PRKCA: variants seen among roughly 807,000 people sequenced by gnomAD.
The protein encoded by PRKCA is protein kinase C alpha, also known as protein kinase C alpha type.
In PRKCA, 27 loss-of-function variants were observed where a neutral mutation model predicts 87.0. That is an observed-to-expected ratio of 0.31 (90% CI 0.23 to 0.43). The LOEUF is 0.43. Among genes scored for constraint, PRKCA ranks in the 20% least tolerant of loss-of-function variants. The probability of loss-of-function intolerance (pLI) is 1.00; values close to 1 mark genes in which losing one functional copy is unlikely to be tolerated. For synonymous variants in PRKCA, 329 were observed against 311.1 expected (o/e 1.06, Z -0.61); for missense variants, 518 against 852.3 (o/e 0.61, Z 4.88).
At chr17:66,402,727 A>C (rs1911110450) in intron 2 of PRKCA, among the ~76,000 whole-genome samples, 1 of 152,164 alleles carries the variant, frequency 6.6e-6, no homozygotes, top group African/African-American at 2.4e-5. Flanking sequence ...CAGAGCACTG[A>C]GATGTTTGCT....
chr17:66,363,358 A>G (rs1468419323), intron 2 of PRKCA, among the ~76,000 whole-genome samples: 2 of 152,234 alleles, frequency 1.3e-5, no homozygotes, highest in East Asian at 3.8e-4. Flanking sequence ...CTTAGAGGAA[A>G]CAGTTACTGA....
At chr17:66,424,396 A>C (rs1912665612) in intron 2 of PRKCA, among the ~76,000 whole-genome samples, 1 of 151,970 alleles carries the variant, frequency 6.6e-6, no homozygotes, top group Non-Finnish European at 1.5e-5. Flanking sequence ...CAACATGTTG[A>C]AACTCTACTA....
At chr17:66,349,641 C>T (rs1484205274) in intron 2 of PRKCA, among the ~76,000 whole-genome samples, 5 of 152,092 alleles carry the variant, frequency 3.3e-5, no homozygotes, top group Non-Finnish European at 7.4e-5. Context: ...AGAGGGTTTT[C>T]CCGGGCCTTT....
Position 66,591,222 on chromosome 17 carries a change from G to A in PRKCA, c.289-50133G>A, listed in dbSNP as rs180800031. Among the ~76,000 whole-genome samples the A allele has an allele frequency of 4.2e-3, 646 of 152,102 alleles. 5 individuals carry two copies. The highest frequency in any genetic ancestry group is 0.01 in the Middle Eastern group (3 of 294). On this transcript the variant is annotated intron_variant, in intron 3 of 16. Coordinates refer to ENST00000413366, the MANE Select transcript of PRKCA (RefSeq NM_002737.3). ...GGCTGGAATGTAGCGGCATGATCAG[G>A]GCTCGCTGTAGCCTTGACTTCCCAG...
chr17:66,315,556 T>G (rs1905274151), intron 2 of PRKCA, among the ~76,000 whole-genome samples: 1 of 151,586 alleles, frequency 6.6e-6, no homozygotes, highest in Admixed American at 6.6e-5. Context: ...CTCAACTCAC[T>G]GCAACCTCCG....
chr17:66,308,787 T>C (rs562674368), intron 2 of PRKCA, among the ~76,000 whole-genome samples: 1 of 152,352 alleles, frequency 6.6e-6, no homozygotes, highest in South Asian at 2.1e-4. Flanking sequence ...CAAATATAGT[T>C]ACCCAGCATT....
At chr17:66,613,693 G>A (rs1276997604) in intron 3 of PRKCA, among the ~76,000 whole-genome samples, 3 of 147,080 alleles carry the variant, frequency 2.0e-5, no homozygotes, top group Admixed American at 6.8e-5. Context: ...TCCTCTCTGT[G>A]TATCTTTGTG....
At chr17:66,723,216 C>CAGTT (rs1313967197) in intron 8 of PRKCA, among the ~76,000 whole-genome samples, 1 of 152,242 alleles carries the variant, frequency 6.6e-6, no homozygotes, top group African/African-American at 2.4e-5. Flanking sequence ...AGGCAGCATG[C>CAGTT]AGTTGCTCAT....
chr17:66,706,658 T>C (rs1388369687), intron 8 of PRKCA, among the ~76,000 whole-genome samples: 1 of 149,522 alleles, frequency 6.7e-6, no homozygotes, highest in Non-Finnish European at 1.5e-5. Flanking sequence ...AAAAGAGTGG[T>C]TTCAGGATTT....
At chr17:66,677,073 A>ATTTT (rs960688544) in intron 5 of PRKCA, 1 of 43,542 alleles carries the variant, frequency 2.3e-5, no homozygotes, top group East Asian at 5.9e-4. Flanking sequence ...CCCACAGCTT[A>ATTTT]TTTTTATTTA....
intron 3 of PRKCA, among the ~76,000 whole-genome samples, chr17:66,509,180 G>A (rs935924278): frequency 4.3e-5 from 4 of 93,978 alleles, no homozygotes; most frequent in East Asian, 4.6e-4. Context: ...GTGTGTGTAT[G>A]TGTGTGTGTG....
At chr17:66,765,151 C>T (rs984872448) in intron 13 of PRKCA, among the ~76,000 whole-genome samples, 11 of 151,986 alleles carry the variant, frequency 7.2e-5, no homozygotes, top group African/African-American at 2.4e-4. Context: ...TGGTGGCTCA[C>T]GCCTGTAATC....
intron 13 of PRKCA, among the ~76,000 whole-genome samples, chr17:66,745,837 G>A (rs1026985773): frequency 9.2e-5 from 14 of 152,242 alleles, no homozygotes; most frequent in African/African-American, 2.9e-4. Flanking sequence ...GCCAGAATTA[G>A]GCTTTGATCC....
intron 2 of PRKCA, among the ~76,000 whole-genome samples, chr17:66,387,413 C>A (rs1910123628): frequency 6.6e-6 from 1 of 152,162 alleles, no homozygotes; most frequent in African/African-American, 2.4e-5. Context: ...GTATAAGAGG[C>A]AGCTGAGGGA....
rs951174388 is a variant in PRKCA, at chr17:66,741,657, A to G, written c.1323-2A>G. The G allele has an allele frequency of 6.2e-7, 1 of 1,614,150 alleles. No homozygotes were observed. ...AAACCTGAAGCCCGTTTTCTTTTGC[A>G]GATTCTATGCGGCAGAGATTTCCAT... is the stretch of plus-strand genomic sequence containing the variant. On this transcript the variant is annotated splice_acceptor_variant, in intron 11 of 16. Coordinates refer to ENST00000413366, the MANE Select transcript of PRKCA (RefSeq NM_002737.3). LOFTEE classifies it high-confidence loss of function.
At chr17:66,709,941 ATAACAT>A (rs1973282366) in intron 8 of PRKCA, among the ~76,000 whole-genome samples, 1 of 152,162 alleles carries the variant, frequency 6.6e-6, no homozygotes, top group Admixed American at 6.5e-5. Context: ...CAATCTGTAT[ATAACAT>A]TACTGGGCAC....
At position 66,706,223 on chromosome 17, in the gene PRKCA, C is replaced by T. The variant is rs188996040; in HGVS notation, c.918+17176C>T. Among the ~76,000 whole-genome samples the T allele has an allele frequency of 1.7e-3, 265 of 152,192 alleles. 2 individuals are homozygous for T. The highest frequency in any genetic ancestry group is 2.4e-3 in the Non-Finnish European group (166 of 68,010). ...GTAAACAAATTCAGTCTCCTGTGGT[C>T]GTAAAGACAGCAAGGATAGACTTCA... On this transcript the variant is annotated intron_variant, in intron 8 of 16. Transcript: ENST00000413366.
intron 3 of PRKCA, among the ~76,000 whole-genome samples, chr17:66,580,956 T>C (rs952222891): frequency 1.3e-5 from 2 of 151,754 alleles, no homozygotes; most frequent in Non-Finnish European, 2.9e-5. Context: ...ATTTATCCCA[T>C]GTTCCTAGAA....
At chr17:66,586,647 A>G (rs1488538505) in intron 3 of PRKCA, among the ~76,000 whole-genome samples, 1 of 152,228 alleles carries the variant, frequency 6.6e-6, no homozygotes, top group African/African-American at 2.4e-5. Context: ...GCTCAGTAAC[A>G]GAACACTGCT....
Sources: allele counts gnomAD v4.1 joint callset (sites outside exome capture counted in the v4.1 genomes callset), GRCh38; gene constraint gnomAD v4.1.1; transcripts MANE v1.5; gene names NCBI Gene and HGNC (gene_info 2026-07-23, HGNC 2026-07-21).